XRCC4: variants seen among roughly 807,000 people sequenced by gnomAD.
The protein encoded by XRCC4 is X-ray repair cross complementing 4.
Under a neutral mutation model 39.1 loss-of-function variants are expected in XRCC4, and 28 were observed. That is an observed-to-expected ratio of 0.72 (90% CI 0.53 to 0.98). The LOEUF is 0.98. Ranked by LOEUF, XRCC4 falls within the 50% of genes least tolerant of loss-of-function variation. XRCC4 has a pLI of 0.00. For synonymous variants in XRCC4, 123 were observed against 126.4 expected (o/e 0.97, Z 0.18); for missense variants, 350 against 376.4 (o/e 0.93, Z 0.58).
At chr5:83,357,222 G>A (rs1049824701), downstream of XRCC4, among the ~76,000 whole-genome samples, 1 of 152,174 alleles carries the variant, frequency 6.6e-6, no homozygotes, top group African/African-American at 2.4e-5. Flanking sequence ...GACACTAGAT[G>A]TGGCAGTGAA....
chr5:83,278,590 C>T lies in XRCC4; in HGVS notation c.893+19913C>T, dbSNP rs546113711. 2.7e-3 allele frequency among the ~76,000 whole-genome samples: 414 copies of T among 152,188 alleles called. 2 individuals carry two copies. Among genetic ancestry groups the T allele is most frequent in the Non-Finnish European group, 4.6e-3 (312 of 67,988 alleles). On this transcript the variant is annotated intron_variant, in intron 7 of 7. Coordinates refer to ENST00000396027, the MANE Select transcript of XRCC4 (RefSeq NM_003401.5). ...GATGGAAGGCAGCAGCGCAAAAAAG[C>T]GCCTAAACTAGTTTTCTCTAGCCCC...
At chr5:83,215,653 A>G (rs1751829423) in intron 6 of XRCC4, among the ~76,000 whole-genome samples, 1 of 152,194 alleles carries the variant, frequency 6.6e-6, no homozygotes, top group South Asian at 2.1e-4. Context: ...TAGAATTGAG[A>G]CTGTAGAAGT....
At chr5:83,137,865 T>C (rs1397394754) in intron 3 of XRCC4, among the ~76,000 whole-genome samples, 1 of 152,146 alleles carries the variant, frequency 6.6e-6, no homozygotes, top group African/African-American at 2.4e-5. Flanking sequence ...TTGAGGGAAG[T>C]GGTCATGTTT....
intron 7 of XRCC4, among the ~76,000 whole-genome samples, chr5:83,332,989 A>G (rs1042783950): frequency 6.6e-6 from 1 of 152,186 alleles, no homozygotes; most frequent in East Asian, 1.9e-4. Context: ...TGACAATTAC[A>G]TACATAACAA....
At chr5:83,103,527 A>G (rs998049401) in intron 1 of XRCC4, among the ~76,000 whole-genome samples, 1 of 152,152 alleles carries the variant, frequency 6.6e-6, no homozygotes, top group Non-Finnish European at 1.5e-5. Flanking sequence ...CCAAAATTGA[A>G]TATATCCATA....
chr5:83,344,979 C>A (rs1019027149), intron 7 of XRCC4, among the ~76,000 whole-genome samples: 1 of 152,088 alleles, frequency 6.6e-6, no homozygotes, highest in Non-Finnish European at 1.5e-5. Flanking sequence ...CTTTAATTTG[C>A]ATTTCCTTGG....
At chr5:83,186,152 A>G (rs1750428531) in intron 3 of XRCC4, among the ~76,000 whole-genome samples, 1 of 152,212 alleles carries the variant, frequency 6.6e-6, no homozygotes, top group African/African-American at 2.4e-5. Flanking sequence ...CAATACTTGT[A>G]CTATTGGCAT....
chr5:83,362,309 A>C, the XRCC4 span, among the ~76,000 whole-genome samples: 9 of 151,318 alleles, frequency 5.9e-5, no homozygotes, highest in Admixed American at 3.3e-4. Flanking sequence ...AAAAAAAAAA[A>C]AAAAAAAAAC....
chr5:83,187,231 C>G lies in XRCC4; in HGVS notation c.316-8539C>G, dbSNP rs1249846397. Among the ~76,000 whole-genome samples the G allele has an allele frequency of 1.3e-4, 6 of 45,662 alleles. 1 individual carries two copies. Among genetic ancestry groups the G allele is most frequent in the African/African-American group, 6.2e-4 (6 of 9,728 alleles). The allele number at this position is 45,662 out of a possible 152,430, so 30.0% of individuals were successfully genotyped here. ...GTGCTGGGATTACAGGCGTGAGCCA[C>G]CGCGCCCGGCCCTCCATTTTTAACG... On this transcript the variant is annotated intron_variant, in intron 3 of 7. Transcript: ENST00000396027.
At chr5:83,346,908 T>C (rs1756933328) in intron 7 of XRCC4, among the ~76,000 whole-genome samples, 1 of 152,208 alleles carries the variant, frequency 6.6e-6, no homozygotes. Flanking sequence ...TCTCTCACTT[T>C]CCATTAAAAC....
intron 3 of XRCC4, among the ~76,000 whole-genome samples, chr5:83,160,336 C>T (rs1749146411): frequency 6.6e-6 from 1 of 152,006 alleles, no homozygotes; most frequent in South Asian, 2.1e-4. Context: ...ATTTCTGATC[C>T]AATATATTGA....
chr5:83,104,850 G>A (rs2112373540), intron 1 of XRCC4, 60 bp from the exon 2 acceptor site: 1 of 1,536,074 alleles, frequency 6.5e-7, no homozygotes, highest in African/African-American at 1.4e-5. Context: ...GGCCAGTACA[G>A]AAAACATTAT....
At chr5:83,283,297 A>T (rs1041114307) in intron 7 of XRCC4, among the ~76,000 whole-genome samples, 3 of 152,212 alleles carry the variant, frequency 2.0e-5, no homozygotes, top group South Asian at 4.1e-4. Context: ...TCGAAGCTAG[A>T]GCTGGGACCT....
At chr5:83,146,157 A>C (rs1341858853) in intron 3 of XRCC4, among the ~76,000 whole-genome samples, 1 of 152,238 alleles carries the variant, frequency 6.6e-6, no homozygotes, top group East Asian at 1.9e-4. Context: ...TGAAAAGTGG[A>C]AAACTTCCAA....
At chr5:83,098,356 T>C (rs1580213738) in intron 1 of XRCC4, among the ~76,000 whole-genome samples, 1 of 152,244 alleles carries the variant, frequency 6.6e-6, no homozygotes, top group East Asian at 1.9e-4. Flanking sequence ...TACCTTATGG[T>C]GACTAAACAT....
chr5:83,340,181 A>G (rs1756712336), intron 7 of XRCC4, among the ~76,000 whole-genome samples: 2 of 152,132 alleles, frequency 1.3e-5, no homozygotes, highest in East Asian at 1.9e-4. Flanking sequence ...CTCTTGCTCA[A>G]CTTCTTTCTC....
intron 6 of XRCC4, among the ~76,000 whole-genome samples, chr5:83,223,345 A>T (rs1238251660): frequency 4.6e-5 from 7 of 151,904 alleles, no homozygotes; most frequent in Non-Finnish European, 4.4e-5. Context: ...AGTCTATTCA[A>T]TCTCCTTTTC....
At position 83,345,775 on chromosome 5, in the gene XRCC4, T is replaced by G. The variant is rs527951507; in HGVS notation, c.894-7356T>G. 1.6e-3 allele frequency among the ~76,000 whole-genome samples: 245 copies of G among 152,340 alleles called. 3 individuals carry two copies. In the Middle Eastern group the frequency reaches 0.041, roughly 25 times the overall value. ...TTACAAAATGAGATAAATATCATTT[T>G]AAGGATGTTACTAATTTAACTCCTA... On this transcript the variant is annotated intron_variant, in intron 7 of 7. Coordinates refer to ENST00000396027, the MANE Select transcript of XRCC4 (RefSeq NM_003401.5).
intron 3 of XRCC4, among the ~76,000 whole-genome samples, chr5:83,152,898 C>T (rs1026765455): frequency 1.3e-5 from 2 of 152,098 alleles, no homozygotes; most frequent in Non-Finnish European, 2.9e-5. Context: ...CATCCTATTT[C>T]GTCAGTTTTA....
Sources: allele counts gnomAD v4.1 joint callset (sites outside exome capture counted in the v4.1 genomes callset), GRCh38; gene constraint gnomAD v4.1.1; transcripts MANE v1.5; gene names NCBI Gene and HGNC (gene_info 2026-07-23, HGNC 2026-07-21).